PDZD2: variants seen among roughly 807,000 people sequenced by gnomAD.
PDZD2 encodes PDZ domain containing 2, also known as PDZ domain-containing protein 2.
Under a neutral mutation model 220.7 loss-of-function variants are expected in PDZD2, and 90 were observed. The observed-to-expected ratio is 0.41, with a 90% confidence interval of 0.34 to 0.49. PDZD2 has a LOEUF of 0.49. Among genes scored for constraint, PDZD2 ranks in the 20% least tolerant of loss-of-function variants. The pLI, the probability that PDZD2 is intolerant of heterozygous loss-of-function variation, is 0.28. For missense variants in PDZD2, 3,174 were observed against 3,608.5 expected, an observed-to-expected ratio of 0.88 and a Z score of 3.08; for synonymous variants, 1,375 against 1,450.5, an observed-to-expected ratio of 0.95 and a Z score of 1.18.
Position 31,767,211 on chromosome 5 carries a change from T to C in PDZD2, c.-360-31678T>C, listed in dbSNP as rs573938240. On this transcript the variant is annotated intron_variant, in intron 1 of 24. Transcript: ENST00000438447. ...CATGCCCAGCTAATTTTTGTATTTT[T>C]CGTAGAGACGGGGTTTCACCCTGTT... Among the ~76,000 whole-genome samples, 4 of 152,002 alleles carry C rather than the reference T, an allele frequency of 2.6e-5. No individual in the cohort carries two copies. The East Asian group carries it at 7.8e-4, about 30-fold the overall frequency.
chr5:31,683,278 A>C (rs1391417818), intron 1 of PDZD2, among the ~76,000 whole-genome samples: 1 of 151,978 alleles, frequency 6.6e-6, no homozygotes, highest in Non-Finnish European at 1.5e-5. Flanking sequence ...ATTGTCCTGT[A>C]GATTTAAAGT....
Position 32,077,523 on chromosome 5 carries a change from G to A in PDZD2, c.3599G>A (p.Ser1200Asn), listed in dbSNP as rs376961394. 1.2e-6 allele frequency: 2 copies of A among 1,613,916 alleles called. No homozygotes were observed. The highest frequency in any genetic ancestry group is 2.7e-5 in the African/African-American group (2 of 74,928). The stretch of plus-strand genomic sequence containing the variant: ...GTCTCTACCAGCTGTGAACTAGCCA[G>A]TGCTCTGTCCCATCTGGATGCCAGC... ...ACVSTSCELA[S>N]ALSHLDASHL... Residue 1200 changes from serine to asparagine, a missense_variant, in exon 19 of 25, where the codon AGT becomes AAT. By Grantham distance (46) the Ser-to-Asn change is conservative. Coordinates refer to ENST00000438447, the MANE Select transcript of PDZD2 (RefSeq NM_178140.4).
intron 1 of PDZD2, among the ~76,000 whole-genome samples, chr5:31,701,153 C>G (rs558279011): frequency 1.6e-4 from 24 of 152,208 alleles, no homozygotes; most frequent in African/African-American, 5.1e-4. Flanking sequence ...TGTTCCATGG[C>G]TAAAATCTGA....
chr5:31,867,658 TG>T (rs1014747819), intron 2 of PDZD2, among the ~76,000 whole-genome samples: 2 of 152,202 alleles, frequency 1.3e-5, no homozygotes, highest in Non-Finnish European at 2.9e-5. Context: ...TGGATTCAGA[TG>T]GACAAGAAAA....
At chr5:31,672,818 T>C (rs541353516) in intron 1 of PDZD2, among the ~76,000 whole-genome samples, 10 of 152,228 alleles carry the variant, frequency 6.6e-5, no homozygotes, top group South Asian at 2.1e-4. Context: ...GAAGCAATTA[T>C]GGAACATGAA....
intron 1 of PDZD2, among the ~76,000 whole-genome samples, chr5:31,670,388 A>G (rs1160840475): frequency 6.6e-6 from 1 of 152,124 alleles, no homozygotes; most frequent in East Asian, 1.9e-4. Flanking sequence ...AGCACTGAGC[A>G]AAATACTTGT....
In PDZD2 at chr5:31,770,172, A is replaced by T. The variant is rs150269808; in HGVS notation, c.-360-28717A>T. Among the ~76,000 whole-genome samples, 709 of 152,338 alleles carry T rather than the reference A, an allele frequency of 4.7e-3. 7 individuals are homozygous for T. Among genetic ancestry groups the T allele is most frequent in the African/African-American group, 0.016 (674 of 41,570 alleles). ...GTTTGTGGAGGAAAAATAAAAGAGGATGAAGAAGAAAATGTCAGATAATTT... is the reference window on the plus strand; with the variant it reads ...GTTTGTGGAGGAAAAATAAAAGAGGTTGAAGAAGAAAATGTCAGATAATTT... On this transcript the variant is annotated intron_variant, in intron 1 of 24. Transcript: ENST00000438447.
chr5:31,681,889 C>T (rs1461381132), intron 1 of PDZD2, among the ~76,000 whole-genome samples: 1 of 152,066 alleles, frequency 6.6e-6, no homozygotes, highest in East Asian at 1.9e-4. Flanking sequence ...AGGAATAATA[C>T]GTTTAAAAGA....
intron 7 of PDZD2, among the ~76,000 whole-genome samples, chr5:32,039,106 C>A (rs533418573): frequency 6.6e-6 from 1 of 151,984 alleles, no homozygotes; most frequent in South Asian, 2.1e-4. Context: ...CTCCCCCTCT[C>A]CCCCTCTCCC....
intron 2 of PDZD2, among the ~76,000 whole-genome samples, chr5:31,947,539 T>C (rs1458421914): frequency 1.3e-5 from 2 of 152,172 alleles, no homozygotes; most frequent in Admixed American, 6.5e-5. Context: ...GATATGAAAA[T>C]CAAATGAAAC....
rs192369150 is a variant in PDZD2 at position 31,722,946 on chromosome 5, C to G, written c.-360-75943C>G. On this transcript the variant is annotated intron_variant, in intron 1 of 24. Coordinates refer to ENST00000438447, the MANE Select transcript of PDZD2 (RefSeq NM_178140.4). ...CAGGTGATCCACCCTCCTCAACCTC[C>G]CAAAGTGCTGGGATTACAGGCGTGA... is the stretch of plus-strand genomic sequence containing the variant. Among the ~76,000 whole-genome samples the G allele has an allele frequency of 1.1e-3, 163 of 152,318 alleles. 2 individuals are homozygous for G. The highest frequency in any genetic ancestry group is 3.7e-3 in the African/African-American group (153 of 41,580).
intron 2 of PDZD2, among the ~76,000 whole-genome samples, chr5:31,915,905 G>A (rs138508345): frequency 5.7e-4 from 87 of 152,240 alleles, no homozygotes; most frequent in African/African-American, 2.0e-3. Context: ...GGAGCCTTTT[G>A]TTTTTAAGAA....
rs34032161 is a variant in PDZD2 at position 31,646,045 on chromosome 5, C to CG, written c.-361+6615dup. On this transcript the variant is annotated intron_variant, in intron 1 of 24. Coordinates refer to ENST00000438447, the MANE Select transcript of PDZD2 (RefSeq NM_178140.4). The surrounding 1 kb of genome is among the most constrained non-coding windows in gnomAD (Gnocchi z 4.7). ...GAGGGTGTCAGGGAGCTTTGCACTG[C>CG]GGGGGGGCCTTCTCACTACTGTCAC... Among the ~76,000 whole-genome samples the CG allele has an allele frequency of 3.3e-3, 497 of 151,688 alleles. 3 individuals are homozygous for CG. Among genetic ancestry groups the CG allele is most frequent in the African/African-American group, 0.011 (471 of 41,270 alleles).
chr5:31,774,579 G>C (rs181131216), intron 1 of PDZD2, among the ~76,000 whole-genome samples: 186 of 151,986 alleles, frequency 1.2e-3, no homozygotes, highest in African/African-American at 4.4e-3. Flanking sequence ...AGCCGGGTGT[G>C]GTGGTGCACG....
At chr5:31,797,406 T>A (rs771058173) in intron 1 of PDZD2, among the ~76,000 whole-genome samples, 17 of 152,070 alleles carry the variant, frequency 1.1e-4, no homozygotes, top group Non-Finnish European at 1.6e-4. Context: ...AATATATTGA[T>A]GAATAAGACA....
At chr5:31,985,649 G>T (rs140088800) in intron 3 of PDZD2, among the ~76,000 whole-genome samples, 1 of 151,944 alleles carries the variant, frequency 6.6e-6, no homozygotes, top group East Asian at 1.9e-4. Flanking sequence ...GCCAGGAATC[G>T]CACCACCACC....
chr5:31,940,185 T>C (rs532016837), intron 2 of PDZD2, among the ~76,000 whole-genome samples: 15 of 152,184 alleles, frequency 9.9e-5, no homozygotes, highest in Non-Finnish European at 1.9e-4. Flanking sequence ...TGCCTTTCCT[T>C]GGTGACGGGG....
intron 2 of PDZD2, among the ~76,000 whole-genome samples, chr5:31,942,476 C>CT (rs1561144423): frequency 2.6e-5 from 4 of 151,882 alleles, no homozygotes; most frequent in African/African-American, 7.3e-5. Context: ...TTGAGCAAAA[C>CT]TTTTTTTTAA....
intron 2 of PDZD2, among the ~76,000 whole-genome samples, chr5:31,836,115 T>C (rs1185106924): frequency 6.6e-6 from 1 of 152,240 alleles, no homozygotes; most frequent in Non-Finnish European, 1.5e-5. Flanking sequence ...CCAGTCTGAC[T>C]TAGATGTTTT....
Sources: gnomAD v4.1 joint callset for allele counts (sites outside exome capture counted in the v4.1 genomes callset) on GRCh38, gnomAD v4.1.1 for gene constraint, Gnocchi (gnomAD v3.1) non-coding constraint, MANE v1.5 for transcripts, NCBI Gene and HGNC (gene_info 2026-07-23, HGNC 2026-07-21) for gene names.